The following STK39 variants were observed in gnomAD, a reference collection of about 807,000 sequenced individuals.
STK39 encodes STE20/SPS1-related proline-alanine-rich protein kinase.
Under a neutral mutation model 77.8 loss-of-function variants are expected in STK39, and 20 were observed. The observed-to-expected ratio is 0.26, with a 90% CI of 0.18 to 0.37. The LOEUF (loss-of-function observed/expected upper bound fraction) is 0.37. Ranked by LOEUF, STK39 falls within the 10% of genes least tolerant of loss-of-function variation. The pLI is 1.00. For missense variants in STK39, 479 were observed against 656.5 expected (o/e 0.73, Z 2.95); for synonymous variants, 246 against 234.1 (o/e 1.05, Z -0.47).
intron 16 of STK39, among the ~76,000 whole-genome samples, chr2:167,979,597 C>T (rs926609377): frequency 5.3e-5 from 8 of 151,990 alleles, no homozygotes; most frequent in Non-Finnish European, 1.2e-4. Flanking sequence ...TTTCTTAATC[C>T]GAGAGGTAAA....
chr2:168,233,031 G>A (rs1690500259), intron 1 of STK39, among the ~76,000 whole-genome samples: 1 of 152,164 alleles, frequency 6.6e-6, no homozygotes, highest in Admixed American at 6.6e-5. Flanking sequence ...TGGCCCTAGA[G>A]ATCAGAGATC....
At chr2:168,194,141 T>C (rs1689413234) in intron 1 of STK39, among the ~76,000 whole-genome samples, 1 of 152,176 alleles carries the variant, frequency 6.6e-6, no homozygotes, top group African/African-American at 2.4e-5. Flanking sequence ...TGGCCTAGCA[T>C]GGTGACTCAT....
At chr2:168,056,793 G>A (rs1685538514) in intron 14 of STK39, among the ~76,000 whole-genome samples, 1 of 152,176 alleles carries the variant, frequency 6.6e-6, no homozygotes, top group African/African-American at 2.4e-5. Context: ...AGAGGGCATG[G>A]ATTTTTAAAA....
chr2:168,205,730 A>G (rs1043011316), intron 1 of STK39, among the ~76,000 whole-genome samples: 6 of 152,106 alleles, frequency 3.9e-5, no homozygotes, highest in African/African-American at 1.4e-4. Context: ...AAGGTGGGAG[A>G]ATAGCTTGAG....
chr2:168,000,196 T>C (rs6433024), intron 16 of STK39, among the ~76,000 whole-genome samples: 27,582 of 152,182 alleles, frequency 0.18, 2,703 homozygotes, highest in East Asian at 0.4. Flanking sequence ...CATTTAATTA[T>C]TGCTAATTGA....
At chr2:168,141,517 G>A (rs1161035981) in intron 5 of STK39, among the ~76,000 whole-genome samples, 1 of 152,198 alleles carries the variant, frequency 6.6e-6, no homozygotes, top group Non-Finnish European at 1.5e-5. Flanking sequence ...TGTATGTACA[G>A]TACAGAAGGG....
At chr2:168,185,780 GC>G (rs1689193547) in intron 1 of STK39, among the ~76,000 whole-genome samples, 2 of 152,092 alleles carry the variant, frequency 1.3e-5, no homozygotes, top group South Asian at 4.1e-4. Flanking sequence ...TGCATTTAGT[GC>G]ATTTAGTGCA....
At position 168,043,358 on chromosome 2, in the gene STK39, C is replaced by T. The variant is rs567055496; in HGVS notation, c.1376+20142G>A. Among the ~76,000 whole-genome samples, 5 of 152,148 alleles carry T rather than the reference C, an allele frequency of 3.3e-5. No individual in the cohort carries two copies. The South Asian group carries it at 1.0e-3, about 32-fold the overall frequency. The stretch of plus-strand genomic sequence containing the variant: ...CTAATAGAGGCAAGTAATCTGGAGG[C>T]TGATGATTCCTAATTTTTAAATTGA... On this transcript the variant is annotated intron_variant, in intron 14 of 17. Transcript: ENST00000355999.
At chr2:167,970,815 C>T (rs963559984) in intron 16 of STK39, among the ~76,000 whole-genome samples, 1 of 152,186 alleles carries the variant, frequency 6.6e-6, no homozygotes, top group Non-Finnish European at 1.5e-5. Context: ...TCAAATAAGG[C>T]AAATGCTGAG....
chr2:168,025,242 A>C (rs1684666963), intron 14 of STK39, among the ~76,000 whole-genome samples: 1 of 152,202 alleles, frequency 6.6e-6, no homozygotes, highest in South Asian at 2.1e-4. Context: ...CCAGAGCTGA[A>C]AATTCATTAT....
chr2:168,007,575 AAGAAAGAGGGT>A (rs1242477958), intron 16 of STK39, among the ~76,000 whole-genome samples: 2 of 152,196 alleles, frequency 1.3e-5, no homozygotes, highest in African/African-American at 4.8e-5. Context: ...ATAACAAAAT[AAGAAAGAGGGT>A]AGAGAGTTGG....
chr2:168,118,772 G>A (rs982237079), intron 10 of STK39, among the ~76,000 whole-genome samples: 5 of 152,054 alleles, frequency 3.3e-5, no homozygotes, highest in Non-Finnish European at 4.4e-5. Flanking sequence ...AAAAATCTAC[G>A]GCTGCAAGGC....
At chr2:168,057,245 T>A (rs755367412) in intron 14 of STK39, among the ~76,000 whole-genome samples, 4 of 152,192 alleles carry the variant, frequency 2.6e-5, no homozygotes, top group Non-Finnish European at 2.9e-5. Context: ...CAGGCTAGAG[T>A]GCAGTGGCAT....
At chr2:168,082,168 T>C (rs1686251767) in intron 10 of STK39, among the ~76,000 whole-genome samples, 1 of 152,150 alleles carries the variant, frequency 6.6e-6, no homozygotes, top group South Asian at 2.1e-4. Flanking sequence ...ATTCACTTAT[T>C]CCTTCCTTCA....
intron 14 of STK39, among the ~76,000 whole-genome samples, chr2:168,049,199 C>T (rs935174760): frequency 5.3e-5 from 8 of 152,194 alleles, no homozygotes; most frequent in African/African-American, 1.7e-4. Context: ...CTGAGTTAAT[C>T]AATTCTCTCC....
chr2:168,066,440 G>C (rs56407746), intron 12 of STK39, among the ~76,000 whole-genome samples: 3,681 of 152,276 alleles, frequency 0.024, 58 homozygotes, highest in Non-Finnish European at 0.038. Context: ...TACGTTAGAA[G>C]AACAAAACAA....
intron 5 of STK39, among the ~76,000 whole-genome samples, chr2:168,142,631 G>C (rs1034245928): frequency 1.3e-5 from 2 of 152,088 alleles, no homozygotes; most frequent in East Asian, 3.9e-4. Context: ...AGCCGAAAAA[G>C]ATGTATAGTA....
intron 5 of STK39, among the ~76,000 whole-genome samples, chr2:168,155,987 A>C (rs1406788791): frequency 1.3e-5 from 2 of 152,186 alleles, no homozygotes; most frequent in Non-Finnish European, 2.9e-5. Context: ...ACCATCTGGG[A>C]ATGCTGCGAT....
chr2:168,129,407 T>C, intron 10 of STK39, 134 bp downstream of exon 10: 1 of 951,440 alleles, frequency 1.1e-6, no homozygotes. Context: ...TGCAGTTATC[T>C]GAGTAATCAC....
Sources: allele counts gnomAD v4.1 joint callset (sites outside exome capture counted in the v4.1 genomes callset), GRCh38; gene constraint gnomAD v4.1.1; transcripts MANE v1.5; gene names NCBI Gene and HGNC (gene_info 2026-07-23, HGNC 2026-07-21).